The following FBXO17 variants were observed in gnomAD, a reference collection of about 807,000 sequenced individuals.
FBXO17 encodes F-box protein 17, also known as F-box only protein 17.
FBXO17 carries 43 observed loss-of-function variants against 34.1 expected under a neutral mutation model. The ratio of observed to expected loss-of-function variants is 1.26; its 90% confidence interval spans 0.99 to 1.62. The LOEUF (loss-of-function observed/expected upper bound fraction) is 1.62. Ranked by LOEUF, FBXO17 falls within the 40% of genes most tolerant of loss-of-function variation. FBXO17 has a pLI of 0.00. For synonymous variants in FBXO17, 169 were observed against 166.0 expected (o/e 1.02, Z -0.14); for missense variants, 424 against 386.7 (o/e 1.10, Z -0.81).
At chr19:38,946,960 C>T (rs1600189023) in intron 3 of FBXO17, 1 of 202,236 alleles carries the variant, frequency 4.9e-6, no homozygotes, top group East Asian at 1.3e-4. Flanking sequence ...TTGGATCAGC[C>T]AATGGGATGC....
intron 1 of FBXO17, among the ~76,000 whole-genome samples, chr19:38,953,053 G>T (rs535953097): frequency 6.4e-4 from 97 of 152,280 alleles, no homozygotes; most frequent in African/African-American, 2.2e-3. Context: ...TGTAATTCCA[G>T]CACTTTGGGA....
rs1266921072 is a variant in FBXO17 at position 38,941,578 on chromosome 19, G to C, written c.*1030C>G. On this transcript the variant is annotated 3_prime_UTR_variant, in exon 6 of 6. Coordinates refer to ENST00000292852, the MANE Select transcript of FBXO17 (RefSeq NM_024907.7). Reference sequence around the variant, plus strand: ...AAGGGATGGGCTGAAATAAAGGGATGGGTCTGGCTAGTTATCTGCAGCAGG... The same window carrying C: ...AAGGGATGGGCTGAAATAAAGGGATCGGTCTGGCTAGTTATCTGCAGCAGG... The C allele has an allele frequency of 1.3e-5, 2 of 152,240 alleles. No individual in the cohort carries two copies. The highest frequency in any genetic ancestry group is 4.8e-5 in the African/African-American group (2 of 41,462). The allele number at this position is 152,240 out of a possible 1,614,324, so 9.4% of individuals were successfully genotyped here.
intron 4 of FBXO17, chr19:38,946,224 C>A (rs747138074): frequency 2.2e-5 from 13 of 583,484 alleles, no homozygotes; most frequent in Non-Finnish European, 3.5e-5. Context: ...TCAAGCCAGT[C>A]AGTGGCCCCC....
chr19:38,960,878 C>T (rs1975239981), intron 1 of FBXO17, among the ~76,000 whole-genome samples: 1 of 151,448 alleles, frequency 6.6e-6, no homozygotes. Context: ...ATGATCTCCG[C>T]TCACTGCAAC....
intron 1 of FBXO17, among the ~76,000 whole-genome samples, chr19:38,972,054 A>G (rs1975397319): frequency 6.6e-6 from 1 of 152,200 alleles, no homozygotes; most frequent in Admixed American, 6.5e-5. Context: ...TCACCCAACA[A>G]AGAAGCAACA....
At chr19:38,946,178 A>G (rs1463602347) in intron 4 of FBXO17, 3 of 460,794 alleles carry the variant, frequency 6.5e-6, no homozygotes, top group African/African-American at 3.9e-5. Context: ...GGCATCCACA[A>G]GGTGGTCAGG....
At chr19:38,964,544 G>T (rs1332523959) in intron 1 of FBXO17, among the ~76,000 whole-genome samples, 1 of 152,040 alleles carries the variant, frequency 6.6e-6, no homozygotes, top group African/African-American at 2.4e-5. Context: ...TGAGGCAGGG[G>T]GATTGCTTGA....
intron 3 of FBXO17, chr19:38,947,339 A>T (rs1974999941): frequency 6.6e-6 from 1 of 152,232 alleles, no homozygotes; most frequent in Admixed American, 6.6e-5. Flanking sequence ...TAATCCCAGC[A>T]CTTTGAGAGC....
At chr19:38,965,560 G>A (rs930475137) in intron 1 of FBXO17, among the ~76,000 whole-genome samples, 1 of 151,888 alleles carries the variant, frequency 6.6e-6, no homozygotes, top group Non-Finnish European at 1.5e-5. Context: ...AGGCTGGAGT[G>A]CAACAGAATG....
chr19:38,962,911 C>T (rs1975272694), intron 1 of FBXO17, among the ~76,000 whole-genome samples: 3 of 151,944 alleles, frequency 2.0e-5, no homozygotes, highest in East Asian at 1.9e-4. Context: ...GGGGTTTCAC[C>T]ATGTTGGCCA....
chr19:38,943,991 C>A (rs1974934135), intron 5 of FBXO17, among the ~76,000 whole-genome samples: 1 of 152,184 alleles, frequency 6.6e-6, no homozygotes. Flanking sequence ...CAGGAAAAAA[C>A]TCTGCATCCA....
chr19:38,946,275 G>A (rs937176319), intron 4 of FBXO17, 197 bp downstream of exon 4: 3 of 912,236 alleles, frequency 3.3e-6, no homozygotes, highest in Non-Finnish European at 4.8e-6. Context: ...GTGGGCAGGA[G>A]TGCAGAGTGG....
At chr19:38,949,938 C>G (rs767110723) in intron 2 of FBXO17, 33 bp downstream of exon 2, 4 of 1,487,276 alleles carry the variant, frequency 2.7e-6, no homozygotes, top group African/African-American at 2.9e-5. Flanking sequence ...CGCGGCCCCC[C>G]TCAGCCTCCT....
In FBXO17 at chr19:38,950,275, G is replaced by A; in HGVS notation, c.45C>T (p.Ser15=). The change falls in exon 2 of 6, where the codon TCC becomes TCT. Residue 15 remains serine (S), a synonymous_variant. Coordinates refer to ENST00000292852, the MANE Select transcript of FBXO17 (RefSeq NM_024907.7). ...CCGGGGGCAGCGCGTCCAGGGCCAG[G>A]GATGGGTCCGCCGGCAGCCGTCGCC... ...LSRRRLPADP[S]LALDALPPEL... is the part of the protein sequence containing the mutation. The A allele has an allele frequency of 6.8e-7, 1 of 1,474,134 alleles. No homozygotes were observed. Among genetic ancestry groups the A allele is most frequent in the East Asian group, 2.7e-5 (1 of 37,266 alleles). 91.3% of individuals were successfully genotyped at this position (1,474,134 alleles called of 1,614,324 possible). A position where few individuals can be genotyped will look rare whatever the true frequency, so the allele number is the denominator to read the frequency against.
chr19:38,962,015 G>T (rs1360195524), intron 1 of FBXO17, among the ~76,000 whole-genome samples: 1 of 150,988 alleles, frequency 6.6e-6, no homozygotes, highest in African/African-American at 2.4e-5. Flanking sequence ...CACGTAAATG[G>T]AATCATATAG....
intron 4 of FBXO17, 95 bp from the exon 5 acceptor site, chr19:38,945,199 G>A: frequency 1.3e-6 from 2 of 1,510,234 alleles, no homozygotes; most frequent in Non-Finnish European, 1.8e-6. Flanking sequence ...TCTTGATGAA[G>A]GTCCTGCACA....
chr19:38,967,308 A>C (rs1210054009), intron 1 of FBXO17, among the ~76,000 whole-genome samples: 1 of 152,000 alleles, frequency 6.6e-6, no homozygotes, highest in Non-Finnish European at 1.5e-5. Context: ...AAATACAAAA[A>C]ATTAGCCTGT....
chr19:38,944,680 A>C, intron 5 of FBXO17: 1 of 401,336 alleles, frequency 2.5e-6, no homozygotes, highest in Non-Finnish European at 4.5e-6. Context: ...CAACTCTAGA[A>C]TGGAGATAGG....
chr19:38,942,365 A>G lies in FBXO17; in HGVS notation c.*243T>C. 3.3e-6 allele frequency: 1 copy of G among 304,538 alleles called. No homozygotes were observed. The highest frequency in any genetic ancestry group is 5.8e-6 in the Non-Finnish European group (1 of 171,132). 18.9% of individuals were successfully genotyped at this position (304,538 alleles called of 1,614,324 possible). ...CAGCCTCAACCTCCTGGTCTCAGGC[A>G]ATCCTCCCACCCAAGCCTCCTGAGT... On this transcript the variant is annotated 3_prime_UTR_variant, in exon 6 of 6. Coordinates refer to ENST00000292852, the MANE Select transcript of FBXO17 (RefSeq NM_024907.7).
Sources: allele counts gnomAD v4.1 joint callset (sites outside exome capture counted in the v4.1 genomes callset), GRCh38; gene constraint gnomAD v4.1.1; transcripts MANE v1.5; gene names NCBI Gene and HGNC (gene_info 2026-07-23, HGNC 2026-07-21).